Variants in LSAMP observed in about 807,000 individuals in gnomAD.
The protein encoded by LSAMP is limbic system associated membrane protein.
A neutral mutation model predicts 38.6 loss-of-function variants in LSAMP; 7 were observed. That is an observed-to-expected ratio of 0.18 (90% confidence interval 0.10 to 0.34). LSAMP has a LOEUF of 0.34. Among genes scored for constraint, LSAMP ranks in the 10% least tolerant of loss-of-function variants. LSAMP has a pLI of 1.00. For missense variants in LSAMP, 313 were observed against 420.0 expected (o/e 0.75, Z 2.23); for synonymous variants, 154 against 166.8 (o/e 0.92, Z 0.59).
intron 3 of LSAMP, among the ~76,000 whole-genome samples, chr3:115,995,917 A>G (rs1232722703): frequency 1.3e-5 from 2 of 152,072 alleles, no homozygotes; most frequent in Middle Eastern, 3.2e-3. Context: ...CATTAGAGAA[A>G]ACTTAGCTTG....
intron 1 of LSAMP, among the ~76,000 whole-genome samples, chr3:116,390,130 T>TAC (rs749911876): frequency 8.4e-5 from 11 of 131,552 alleles, no homozygotes; most frequent in Non-Finnish European, 1.4e-4. Context: ...TGTATGTATG[T>TAC]ATACACACAC....
At chr3:116,086,226 T>C in intron 2 of LSAMP, 98 bp downstream of exon 2, 1 of 973,494 alleles carries the variant, frequency 1.0e-6, no homozygotes, top group Non-Finnish European at 1.6e-6. Context: ...TCTTTGGGAA[T>C]ATTTCTTTTC....
chr3:116,278,358 A>C (rs968474918), intron 1 of LSAMP, among the ~76,000 whole-genome samples: 3 of 152,150 alleles, frequency 2.0e-5, no homozygotes, highest in Non-Finnish European at 4.4e-5. Flanking sequence ...TACTAAGGAC[A>C]TTTAAATGAA....
intron 1 of LSAMP, among the ~76,000 whole-genome samples, chr3:116,153,827 TAAAA>T (rs1325069302): frequency 6.6e-6 from 1 of 151,994 alleles, no homozygotes; most frequent in African/African-American, 2.4e-5. Context: ...GCTAGGTAAA[TAAAA>T]GAAAGTAGAA....
At chr3:116,406,526 C>T (rs1207961552) in intron 1 of LSAMP, among the ~76,000 whole-genome samples, 1 of 151,894 alleles carries the variant, frequency 6.6e-6, no homozygotes, top group Non-Finnish European at 1.5e-5. Context: ...TGCTTCCTGC[C>T]TTTTTTATTT....
At chr3:116,388,183 T>C (rs1016027078) in intron 1 of LSAMP, among the ~76,000 whole-genome samples, 2 of 151,904 alleles carry the variant, frequency 1.3e-5, no homozygotes, top group Non-Finnish European at 2.9e-5. Context: ...CACAGAAGCA[T>C]GAAGAAAAAA....
At chr3:116,179,396 T>C (rs6784349) in intron 1 of LSAMP, among the ~76,000 whole-genome samples, 75,915 of 151,840 alleles carry the variant, frequency 0.5, 21,461 homozygotes, top group East Asian at 0.74. Context: ...GAGGATGAAT[T>C]TGGGTAGAGG....
At chr3:116,098,369 C>T (rs1325574648) in intron 1 of LSAMP, among the ~76,000 whole-genome samples, 1 of 152,088 alleles carries the variant, frequency 6.6e-6, no homozygotes, top group Non-Finnish European at 1.5e-5. Flanking sequence ...CGTGGTGGCG[C>T]ATGCCTGTAA....
At chr3:115,869,791 C>T (rs1206541804) in intron 3 of LSAMP, among the ~76,000 whole-genome samples, 1 of 152,032 alleles carries the variant, frequency 6.6e-6, no homozygotes, top group East Asian at 1.9e-4. Flanking sequence ...ATGCATACGT[C>T]TTTTCCGAAC....
At chr3:116,247,451 GTATT>G (rs1162874560) in intron 1 of LSAMP, among the ~76,000 whole-genome samples, 1 of 152,162 alleles carries the variant, frequency 6.6e-6, no homozygotes, top group Non-Finnish European at 1.5e-5. Flanking sequence ...GACTGAAAAA[GTATT>G]TAAGAATGTT....
chr3:115,840,755 C>T (rs1273703539), intron 6 of LSAMP, among the ~76,000 whole-genome samples: 2 of 151,826 alleles, frequency 1.3e-5, no homozygotes, highest in Non-Finnish European at 2.9e-5. Flanking sequence ...CTTGAAGGCT[C>T]ATCTAAATGG....
intron 4 of LSAMP, among the ~76,000 whole-genome samples, chr3:115,846,649 T>C (rs1463419852): frequency 5.9e-5 from 9 of 152,190 alleles, no homozygotes; most frequent in Non-Finnish European, 1.5e-5. Flanking sequence ...TGACAGACCA[T>C]GGATTTAACC....
At chr3:115,904,894 G>T (rs1293876684) in intron 3 of LSAMP, among the ~76,000 whole-genome samples, 5 of 151,428 alleles carry the variant, frequency 3.3e-5, no homozygotes, top group African/African-American at 1.2e-4. Flanking sequence ...GGTTTTGTTG[G>T]TCCCTCTTTT....
In LSAMP at chr3:115,842,489, G is replaced by C; in HGVS notation, c.739C>G (p.Pro247Ala). 1.1e-5 allele frequency: 18 copies of C among 1,613,986 alleles called. No homozygotes were observed. Among genetic ancestry groups the C allele is most frequent in the Non-Finnish European group, 1.5e-5 (18 of 1,179,906 alleles). ...LKCEASAVPA[P>A]DFEWYRDDTR... is the part of the protein sequence containing the mutation. ...TCATCCCGGTACCACTCAAAGTCAG[G>C]TGCAGGCACTGCCGAGGCCTCACAT... Residue 247 changes from proline (P) to alanine (A), a missense_variant, in exon 5 of 7, where the codon CCT becomes GCT. Pro to Ala is a conservative substitution (Grantham distance 27). Transcript: ENST00000490035.
chr3:115,918,706 G>GTT (rs1937311960), intron 3 of LSAMP, among the ~76,000 whole-genome samples: 2 of 109,300 alleles, frequency 1.8e-5, no homozygotes, highest in African/African-American at 3.3e-5. Context: ...TTAAAGAACA[G>GTT]GTTTTTTTTT....
chr3:115,829,818 A>C (rs991322835), intron 6 of LSAMP, among the ~76,000 whole-genome samples: 1 of 152,206 alleles, frequency 6.6e-6, no homozygotes, highest in African/African-American at 2.4e-5. Flanking sequence ...TGGGGATTTC[A>C]GAAATCTTTA....
At position 116,028,839 on chromosome 3, in the gene LSAMP, T is replaced by C. The variant is rs181277024; in HGVS notation, c.389-9199A>G. Among the ~76,000 whole-genome samples the C allele has an allele frequency of 2.4e-3, 367 of 152,270 alleles. 3 individuals are homozygous for C. Among genetic ancestry groups the C allele is most frequent in the African/African-American group, 8.5e-3 (352 of 41,560 alleles). ...GCTATAATTTATAATTAATCATTAA[T>C]TGTGGCATTAACAATAAATTACCCC... On this transcript the variant is annotated intron_variant, in intron 2 of 6. Transcript: ENST00000490035.
intron 1 of LSAMP, among the ~76,000 whole-genome samples, chr3:116,142,118 C>CTG (rs1331606835): frequency 6.6e-6 from 1 of 151,986 alleles, no homozygotes; most frequent in Non-Finnish European, 1.5e-5. Context: ...GATTTAAACA[C>CTG]TTATAGCATG....
chr3:116,021,192 AC>A (rs1686230676), intron 2 of LSAMP, among the ~76,000 whole-genome samples: 1 of 152,262 alleles, frequency 6.6e-6, no homozygotes, highest in Non-Finnish European at 1.5e-5. Flanking sequence ...ATCTCTATTT[AC>A]AGAGTTCCTA....
Sources: gnomAD v4.1 joint callset for allele counts (sites outside exome capture counted in the v4.1 genomes callset) on GRCh38, gnomAD v4.1.1 for gene constraint, MANE v1.5 for transcripts, NCBI Gene and HGNC (gene_info 2026-07-23, HGNC 2026-07-21) for gene names.